The following TXK variants were observed in gnomAD, a reference collection of about 807,000 sequenced individuals.
TXK encodes the protein TXK tyrosine kinase.
TXK carries 60 observed loss-of-function variants against 81.0 expected under a neutral mutation model. The ratio of observed to expected loss-of-function variants is 0.74; its 90% CI spans 0.60 to 0.92. TXK has a LOEUF of 0.92. TXK is among the 40% of genes least tolerant of loss of function. The pLI is 0.00. For missense variants in TXK, 581 were observed against 638.3 expected (o/e 0.91, Z 0.97); for synonymous variants, 203 against 210.7 (o/e 0.96, Z 0.32).
At chr4:48,106,056 G>T (rs545357385) in intron 5 of TXK, 1 of 152,228 alleles carries the variant, frequency 6.6e-6, no homozygotes, top group East Asian at 1.9e-4. Flanking sequence ...AAACTGAAAG[G>T]CTTTCATTTC....
chr4:48,071,391 G>T, intron 14 of TXK, 126 bp downstream of exon 14: 1 of 943,930 alleles, frequency 1.1e-6, no homozygotes, highest in Non-Finnish European at 1.6e-6. Flanking sequence ...AGACTCTCAG[G>T]ATCATGACCA....
At chr4:48,116,334 G>A (rs1039738142) in intron 1 of TXK, among the ~76,000 whole-genome samples, 11 of 152,196 alleles carry the variant, frequency 7.2e-5, no homozygotes, top group Non-Finnish European at 1.5e-4. Context: ...TAATAGGATC[G>A]TGGTGAAGAA....
intron 12 of TXK, among the ~76,000 whole-genome samples, chr4:48,074,462 G>A (rs149586771): frequency 6.6e-6 from 1 of 152,282 alleles, no homozygotes; most frequent in East Asian, 1.9e-4. Context: ...ATTCAAAGTT[G>A]GATGTCGAAT....
intron 11 of TXK, among the ~76,000 whole-genome samples, chr4:48,076,669 C>T (rs1463852478): frequency 2.0e-5 from 3 of 152,178 alleles, no homozygotes; most frequent in East Asian, 1.9e-4. Context: ...GGCTCTGTTG[C>T]CCAGGCTGGA....
At chr4:48,089,854 G>A in intron 8 of TXK, 30 bp from the exon 9 acceptor site, 1 of 1,494,874 alleles carries the variant, frequency 6.7e-7, no homozygotes, top group Non-Finnish European at 9.3e-7. Context: ...AATATTTCAA[G>A]CCTAGTTGCT....
At chr4:48,129,832 T>C (rs192297581) in intron 1 of TXK, among the ~76,000 whole-genome samples, 17 of 152,304 alleles carry the variant, frequency 1.1e-4, no homozygotes, top group Non-Finnish European at 1.8e-4. Context: ...CTGTTTTCTG[T>C]GAGCTCAAAG....
Position 48,112,496 on chromosome 4 carries a change from A to C in TXK, c.191T>G (p.Val64Gly), listed in dbSNP as rs751081367. The C allele has an allele frequency of 8.7e-6, 14 of 1,614,008 alleles. No homozygotes were observed. The highest frequency in any genetic ancestry group is 3.3e-5 in the Admixed American group (2 of 60,012). Reference sequence around the variant, plus strand: ...CAGTGGCTTTCGTTTTGACGGCTGCACACGGCCCGTGTTGGACTGTGAAAA... The same window carrying C: ...CAGTGGCTTTCGTTTTGACGGCTGCCCACGGCCCGTGTTGGACTGTGAAAA... Reference protein sequence around the residue: ...SNKKQSNTGRVQPSKRKPLPP... With the variant: ...SNKKQSNTGRGQPSKRKPLPP... The change falls in exon 4 of 15, where the codon GTG becomes GGG. Residue 64 changes from valine to glycine, a missense_variant. Physicochemically the swap from Val to Gly is moderately radical, Grantham distance 109. Transcript: ENST00000264316.
chr4:48,085,420 G>C (rs966691597), intron 10 of TXK, among the ~76,000 whole-genome samples: 1 of 151,984 alleles, frequency 6.6e-6, no homozygotes, highest in Non-Finnish European at 1.5e-5. Context: ...AAAAAAAAGA[G>C]TACTTGTAAA....
intron 6 of TXK, among the ~76,000 whole-genome samples, chr4:48,101,828 A>G (rs1441993547): frequency 3.3e-5 from 5 of 151,732 alleles, no homozygotes; most frequent in African/African-American, 9.7e-5. Context: ...ATAAAGGAAA[A>G]TTTGAGAAAT....
chr4:48,083,917 C>T (rs1717406927), intron 10 of TXK, among the ~76,000 whole-genome samples: 1 of 152,142 alleles, frequency 6.6e-6, no homozygotes, highest in African/African-American at 2.4e-5. Context: ...TCAGAGGAGA[C>T]CTCCTGAAAG....
chr4:48,110,191 T>C (rs1173932574), intron 5 of TXK, among the ~76,000 whole-genome samples: 2 of 152,164 alleles, frequency 1.3e-5, no homozygotes, highest in African/African-American at 4.8e-5. Flanking sequence ...AGCCAAAATA[T>C]AGTACTTTAT....
At chr4:48,091,041 A>T (rs1013904799) in intron 8 of TXK, among the ~76,000 whole-genome samples, 9 of 152,364 alleles carry the variant, frequency 5.9e-5, no homozygotes, top group African/African-American at 2.2e-4. Context: ...GATGAGTAAG[A>T]TGAGGACTCT....
intron 2 of TXK, 81 bp from the exon 3 acceptor site, chr4:48,113,390 A>G (rs1577677237): frequency 2.7e-6 from 3 of 1,127,386 alleles, no homozygotes; most frequent in Non-Finnish European, 3.9e-6. Context: ...TCACAGAAAT[A>G]GCAGAAAAAT....
At chr4:48,131,820 A>G (rs1719254196) in intron 1 of TXK, among the ~76,000 whole-genome samples, 1 of 152,216 alleles carries the variant, frequency 6.6e-6, no homozygotes, top group Non-Finnish European at 1.5e-5. Context: ...TGAGGGAAAT[A>G]AAGAGCAGAT....
intron 7 of TXK, 32 bp downstream of exon 7, chr4:48,095,111 T>C (rs1717932471): frequency 6.6e-7 from 1 of 1,520,704 alleles, no homozygotes; most frequent in Non-Finnish European, 9.1e-7. Flanking sequence ...CCAGGGATTA[T>C]TTCTATAGTA....
chr4:48,124,865 T>C (rs561129851), intron 1 of TXK, among the ~76,000 whole-genome samples: 1 of 152,334 alleles, frequency 6.6e-6, no homozygotes, highest in South Asian at 2.1e-4. Context: ...AAAGAACATA[T>C]GGGGTTCAGC....
chr4:48,129,532 A>G (rs986904330), intron 1 of TXK, among the ~76,000 whole-genome samples: 2 of 152,106 alleles, frequency 1.3e-5, no homozygotes, highest in Non-Finnish European at 2.9e-5. Context: ...AGATTCTAGA[A>G]GCCTGGCAAG....
intron 9 of TXK, 56 bp downstream of exon 9, chr4:48,089,694 G>T: frequency 7.0e-7 from 1 of 1,436,354 alleles, no homozygotes; most frequent in Non-Finnish European, 9.8e-7. Context: ...ACCCAGCCAG[G>T]TAGATTCTTT....
rs1167309320 is a variant in TXK at position 48,094,108 on chromosome 4, C to T, written c.678G>A (p.Glu226=). 1 of 1,613,744 alleles carries T rather than the reference C, an allele frequency of 6.2e-7. No individual in the cohort carries two copies. Among genetic ancestry groups the T allele is most frequent in the East Asian group, 2.2e-5 (1 of 44,878 alleles). ...CATTGTGCTGGTGATACCAGATTAA[C>T]TCAGGGATTGATTGAAAGGCGTGTC... The part of the protein sequence containing the change: ...AERHAFQSIP[E]LIWYHQHNAA... Residue 226 remains glutamate (E), a synonymous_variant, in exon 8 of 15, where the codon GAG becomes GAA. Transcript: ENST00000264316.
Sources: gnomAD v4.1 joint callset for allele counts (sites outside exome capture counted in the v4.1 genomes callset) on GRCh38, gnomAD v4.1.1 for gene constraint, MANE v1.5 for transcripts, NCBI Gene and HGNC (gene_info 2026-07-23, HGNC 2026-07-21) for gene names.